Variants in EYA2 observed in about 807,000 individuals in gnomAD.
EYA2 encodes protein phosphatase EYA2.
EYA2 carries 31 observed loss-of-function variants against 69.2 expected under a neutral mutation model. The ratio of observed to expected loss-of-function variants is 0.45; its 90% CI spans 0.34 to 0.60. The LOEUF is 0.60. Among genes scored for constraint, EYA2 ranks in the 20% least tolerant of loss-of-function variants. The pLI, the probability that EYA2 is intolerant of heterozygous loss-of-function variation, is 0.02. For synonymous variants in EYA2, 257 were observed against 279.4 expected, an observed-to-expected ratio of 0.92 and a Z score of 0.80; for missense variants, 622 against 701.2, an observed-to-expected ratio of 0.89 and a Z score of 1.28.
chr20:47,071,575 G>A (rs1401735344), intron 5 of EYA2, among the ~76,000 whole-genome samples: 2 of 151,996 alleles, frequency 1.3e-5, no homozygotes, highest in African/African-American at 2.4e-5. Flanking sequence ...AAAATCTGAG[G>A]CCACCACACC....
At chr20:47,046,073 T>TC (rs1320617748) in intron 5 of EYA2, among the ~76,000 whole-genome samples, 1 of 152,136 alleles carries the variant, frequency 6.6e-6, no homozygotes, top group African/African-American at 2.4e-5. Context: ...GACTGGGAAG[T>TC]CCAAGATCAG....
intron 10 of EYA2, among the ~76,000 whole-genome samples, chr20:47,168,563 A>G (rs1342456690): frequency 1.3e-5 from 2 of 151,698 alleles, no homozygotes; most frequent in African/African-American, 4.9e-5. Context: ...ATGGCATTGG[A>G]GTTTGTTCAA....
chr20:47,108,778 C>G (rs1317016584), intron 9 of EYA2, among the ~76,000 whole-genome samples: 2 of 151,960 alleles, frequency 1.3e-5, no homozygotes, highest in African/African-American at 4.8e-5. Context: ...CTGGTCTCTA[C>G]TCCTGGGCTC....
At chr20:46,919,238 A>G (rs1369138812) in intron 1 of EYA2, among the ~76,000 whole-genome samples, 1 of 152,260 alleles carries the variant, frequency 6.6e-6, no homozygotes. Context: ...GCCCTTAACA[A>G]GAGATTCAGC....
intron 1 of EYA2, among the ~76,000 whole-genome samples, chr20:46,977,234 A>G (rs1980518510): frequency 6.6e-6 from 1 of 152,246 alleles, no homozygotes; most frequent in Non-Finnish European, 1.5e-5. Context: ...GGTAGGAGGT[A>G]GTGCCCCAAT....
In EYA2 at chr20:47,149,041, C is replaced by T. The variant is rs1348183809; in HGVS notation, c.978+5893C>T. Among the ~76,000 whole-genome samples the T allele has an allele frequency of 2.0e-5, 3 of 151,540 alleles. No homozygotes were observed. The East Asian group carries it at 5.8e-4, about 29-fold the overall frequency. On this transcript the variant is annotated intron_variant, in intron 10 of 15. Transcript: ENST00000327619. ...CCTGGCAGCCGAGACTGTGCTACTG[C>T]ACTCCAGCCTGGGCGATAGAGGGAG...
At chr20:46,942,433 A>T (rs755147809) in intron 1 of EYA2, among the ~76,000 whole-genome samples, 23 of 151,910 alleles carry the variant, frequency 1.5e-4, no homozygotes, top group Non-Finnish European at 2.6e-4. Context: ...TAGGGGGGGA[A>T]AACTCTCTTA....
chr20:46,986,430 A>ATC (rs1261134248), intron 1 of EYA2, among the ~76,000 whole-genome samples: 91 of 147,278 alleles, frequency 6.2e-4, no homozygotes, highest in Non-Finnish European at 9.0e-4. Context: ...TATATATAAT[A>ATC]TATAATATAT....
intron 1 of EYA2, among the ~76,000 whole-genome samples, chr20:46,898,450 C>T (rs2868883): frequency 0.18 from 27,326 of 151,618 alleles, 2,626 homozygotes; most frequent in Middle Eastern, 0.21. Flanking sequence ...ACTCCCAACC[C>T]TCTTCCCTGA....
intron 2 of EYA2, 148 bp downstream of exon 2, chr20:46,990,267 C>T: frequency 2.0e-6 from 1 of 502,088 alleles, no homozygotes; most frequent in Non-Finnish European, 3.7e-6. Context: ...GCCTCTGAAC[C>T]AAAACTTTGG....
intron 10 of EYA2, among the ~76,000 whole-genome samples, chr20:47,149,094 AAAC>A (rs1320024991): frequency 1.3e-5 from 2 of 152,326 alleles, no homozygotes; most frequent in Admixed American, 1.3e-4. Context: ...CAAAAAAAAA[AAAC>A]AAGTATTATT....
intron 1 of EYA2, among the ~76,000 whole-genome samples, chr20:46,969,379 G>A (rs990745913): frequency 1.3e-5 from 2 of 152,206 alleles, no homozygotes; most frequent in Middle Eastern, 3.4e-3. Context: ...CACCGTGCCC[G>A]GCCGATTGCC....
At chr20:47,063,128 G>T (rs886558933) in intron 5 of EYA2, among the ~76,000 whole-genome samples, 1 of 152,090 alleles carries the variant, frequency 6.6e-6, no homozygotes, top group Admixed American at 6.6e-5. Flanking sequence ...CGTTTAGTGC[G>T]TTCACAGTGT....
chr20:47,011,449 C>A (rs1418648305), intron 4 of EYA2, among the ~76,000 whole-genome samples: 1 of 152,158 alleles, frequency 6.6e-6, no homozygotes, highest in Admixed American at 6.5e-5. Context: ...AGGTTTTCCA[C>A]TGCAGTATCT....
chr20:47,096,207 GATATGAC>G (rs2032242340), intron 8 of EYA2: 1 of 152,118 alleles, frequency 6.6e-6, no homozygotes, highest in Non-Finnish European at 1.5e-5. Context: ...TCAATCTGGG[GATATGAC>G]ATTGGACACA....
chr20:46,965,477 G>C (rs369995948), intron 1 of EYA2, among the ~76,000 whole-genome samples: 1 of 152,240 alleles, frequency 6.6e-6, no homozygotes, highest in Non-Finnish European at 1.5e-5. Flanking sequence ...GGGCAAAGGT[G>C]GGGGGTTGGA....
At chr20:46,925,601 T>TA (rs1443152699) in intron 1 of EYA2, among the ~76,000 whole-genome samples, 1 of 152,172 alleles carries the variant, frequency 6.6e-6, no homozygotes, top group East Asian at 1.9e-4. Flanking sequence ...CGATCTCACT[T>TA]AAAAAAGAGA....
At chr20:46,983,178 A>G (rs948617939) in intron 1 of EYA2, among the ~76,000 whole-genome samples, 6 of 152,122 alleles carry the variant, frequency 3.9e-5, no homozygotes, top group African/African-American at 1.2e-4. Flanking sequence ...GTGTTTGACA[A>G]CTTCAATAGC....
At chr20:47,022,442 T>G (rs1211509929) in intron 5 of EYA2, among the ~76,000 whole-genome samples, 1 of 152,128 alleles carries the variant, frequency 6.6e-6, no homozygotes, top group Non-Finnish European at 1.5e-5. Flanking sequence ...GTCTCCCAAG[T>G]AGCTGGGATT....
Sources: allele counts gnomAD v4.1 joint callset (sites outside exome capture counted in the v4.1 genomes callset), GRCh38; gene constraint gnomAD v4.1.1; transcripts MANE v1.5; gene names NCBI Gene and HGNC (gene_info 2026-07-23, HGNC 2026-07-21).